The following CFAP54 variants were observed in gnomAD, a reference collection of about 807,000 sequenced individuals.
CFAP54 encodes cilia- and flagella-associated protein 54.
In CFAP54, 290 loss-of-function variants were observed where a neutral mutation model predicts 370.4. The observed-to-expected ratio is 0.78, with a 90% CI of 0.71 to 0.86. CFAP54 has a LOEUF of 0.86. CFAP54 is among the 40% of genes least tolerant of loss of function. The pLI is 0.00. For missense variants in CFAP54, 3,399 were observed against 3,528.7 expected (o/e 0.96, Z 0.93); for synonymous variants, 1,206 against 1,236.5 (o/e 0.98, Z 0.52).
chr12:96,607,357 C>A, intron 26 of CFAP54, among the ~76,000 whole-genome samples: 1 of 151,724 alleles, frequency 6.6e-6, no homozygotes, highest in African/African-American at 2.4e-5. Flanking sequence ...AGGCAGAGAG[C>A]ACTTTTAAGG....
chr12:96,807,484 T>C (rs1958894042), intron 63 of CFAP54, among the ~76,000 whole-genome samples: 1 of 152,176 alleles, frequency 6.6e-6, no homozygotes, highest in African/African-American at 2.4e-5. Flanking sequence ...ATTCTAAACA[T>C]AAGATACATT....
chr12:96,626,109 C>T (rs1007049842), intron 29 of CFAP54, among the ~76,000 whole-genome samples: 4 of 152,050 alleles, frequency 2.6e-5, no homozygotes, highest in African/African-American at 7.2e-5. Flanking sequence ...AGTGGCTGGG[C>T]GCAGAAGCTC....
intron 19 of CFAP54, chr12:96,564,997 CAAAT>C (rs1389436038): frequency 1.9e-5 from 5 of 260,136 alleles, no homozygotes; most frequent in African/African-American, 1.1e-4. Context: ...CATGAGAAGA[CAAAT>C]AAAATCAGAA....
intron 19 of CFAP54, among the ~76,000 whole-genome samples, chr12:96,571,647 C>T (rs908331524): frequency 1.3e-5 from 2 of 152,106 alleles, no homozygotes; most frequent in African/African-American, 2.4e-5. Context: ...CTATTATAGA[C>T]AACATTCAGG....
intron 12 of CFAP54, among the ~76,000 whole-genome samples, chr12:96,537,524 T>A (rs1055332711): frequency 6.6e-6 from 1 of 152,130 alleles, no homozygotes; most frequent in Non-Finnish European, 1.5e-5. Context: ...ATATTTTTAG[T>A]AGAGATAGGG....
chr12:96,660,808 AC>A (rs1956986289), intron 38 of CFAP54, among the ~76,000 whole-genome samples: 1 of 152,150 alleles, frequency 6.6e-6, no homozygotes, highest in East Asian at 1.9e-4. Flanking sequence ...CCAGGTTGTG[AC>A]CTGTGCTTCT....
chr12:96,659,533 T>C (rs1430268361), intron 38 of CFAP54, among the ~76,000 whole-genome samples: 1 of 152,224 alleles, frequency 6.6e-6, no homozygotes, highest in Non-Finnish European at 1.5e-5. Flanking sequence ...GAATTTCTAC[T>C]TTCATATTCT....
chr12:96,868,158 C>T (rs1200826759), intron 67 of CFAP54, among the ~76,000 whole-genome samples: 1 of 152,154 alleles, frequency 6.6e-6, no homozygotes, highest in African/African-American at 2.4e-5. Flanking sequence ...CCATGTAACA[C>T]ATAGGTGCTC....
intron 19 of CFAP54, among the ~76,000 whole-genome samples, chr12:96,570,349 C>G (rs925551145): frequency 1.3e-5 from 2 of 149,024 alleles, no homozygotes; most frequent in Non-Finnish European, 3.0e-5. Context: ...GAGCCAACTT[C>G]TAATTCTGAC....
intron 51 of CFAP54, among the ~76,000 whole-genome samples, chr12:96,741,928 A>G (rs2136641616): frequency 6.6e-6 from 1 of 152,314 alleles, no homozygotes; most frequent in South Asian, 2.1e-4. Flanking sequence ...AAGATAGTTA[A>G]CCTTCCTAGG....
At chr12:96,817,632 G>T (rs142077887) in intron 64 of CFAP54, 143 bp from the exon 65 acceptor site, 106,381 of 331,688 alleles carry the variant, frequency 0.32, 17,955 homozygotes, top group South Asian at 0.51. Flanking sequence ...ATGTTAGCCA[G>T]GATGGTATCA....
chr12:96,643,554 T>C (rs1956757046), intron 32 of CFAP54, among the ~76,000 whole-genome samples: 1 of 152,210 alleles, frequency 6.6e-6, no homozygotes, highest in Admixed American at 6.5e-5. Context: ...TATAAACAAC[T>C]ATATAACTGT....
At chr12:96,829,504 T>A (rs1959163511) in intron 66 of CFAP54, among the ~76,000 whole-genome samples, 1 of 152,078 alleles carries the variant, frequency 6.6e-6, no homozygotes, top group Non-Finnish European at 1.5e-5. Flanking sequence ...AAAAGTCTAC[T>A]TTGTCATATT....
chr12:96,780,108 T>C (rs1006735135), intron 60 of CFAP54, among the ~76,000 whole-genome samples: 1 of 152,196 alleles, frequency 6.6e-6, no homozygotes, highest in African/African-American at 2.4e-5. Flanking sequence ...ATTATTTGTA[T>C]TGCAAATATC....
intron 4 of CFAP54, among the ~76,000 whole-genome samples, chr12:96,508,921 C>T (rs1297237591): frequency 1.3e-5 from 2 of 152,202 alleles, no homozygotes; most frequent in Admixed American, 6.5e-5. Flanking sequence ...TAGACCTGTG[C>T]GAGAGTTTTC....
chr12:96,501,207 G>C (rs536192418), intron 2 of CFAP54: 1 of 295,312 alleles, frequency 3.4e-6, no homozygotes, highest in African/African-American at 2.2e-5. Context: ...TTAACAGAGG[G>C]TGTGGTAGGC....
intron 11 of CFAP54, 39 bp downstream of exon 11, chr12:96,534,266 C>T (rs151279126): frequency 1.9e-5 from 22 of 1,128,572 alleles, no homozygotes; most frequent in East Asian, 5.2e-5. Flanking sequence ...TTTAGTTTGA[C>T]GAAATATGCT....
chr12:96,523,136 A>G (rs1237434175), intron 8 of CFAP54, among the ~76,000 whole-genome samples: 2 of 152,136 alleles, frequency 1.3e-5, no homozygotes, highest in East Asian at 1.9e-4. Flanking sequence ...GCTTCCATGT[A>G]GAGATTGAAA....
At chr12:96,778,092 G>C (rs527248484) in intron 60 of CFAP54, among the ~76,000 whole-genome samples, 1 of 152,168 alleles carries the variant, frequency 6.6e-6, no homozygotes, top group Non-Finnish European at 1.5e-5. Flanking sequence ...GTATAATTCT[G>C]CAGATGAGTT....
Sources: gnomAD v4.1 joint callset for allele counts (sites outside exome capture counted in the v4.1 genomes callset) on GRCh38, gnomAD v4.1.1 for gene constraint, MANE v1.5 for transcripts, NCBI Gene and HGNC (gene_info 2026-07-23, HGNC 2026-07-21) for gene names.